Variants in SULT1C2 observed in about 807,000 individuals in gnomAD.
The protein encoded by SULT1C2 is sulfotransferase 1C2.
A neutral mutation model predicts 36.0 loss-of-function variants in SULT1C2; 27 were observed. The ratio of observed to expected loss-of-function variants is 0.75; its 90% CI spans 0.55 to 1.03. The LOEUF is 1.03. Among genes scored for constraint, SULT1C2 ranks in the 50% least tolerant of loss-of-function variants. The pLI, the probability that SULT1C2 is intolerant of heterozygous loss-of-function variation, is 0.00. For synonymous variants in SULT1C2, 121 were observed against 116.0 expected (o/e 1.04, Z -0.27); for missense variants, 395 against 359.2 (o/e 1.10, Z -0.80).
rs1677109609 is a variant in SULT1C2, at chr2:108,309,736, T to C, written c.*1272T>C. ...CCAAACAATGTCAGTGTTAAAATGCTTCTCCCTGAAAAAGAGAAAAAAAAA... is the reference window on the plus strand; with the variant it reads ...CCAAACAATGTCAGTGTTAAAATGCCTCTCCCTGAAAAAGAGAAAAAAAAA... On this transcript the variant is annotated 3_prime_UTR_variant, in exon 8 of 8. Coordinates refer to ENST00000251481, the MANE Select transcript of SULT1C2 (RefSeq NM_001056.4). 1 of 151,040 alleles carries C rather than the reference T, an allele frequency of 6.6e-6. No individual in the cohort carries two copies. Among genetic ancestry groups the C allele is most frequent in the African/African-American group, 2.4e-5 (1 of 40,852 alleles). The allele number at this position is 151,040 out of a possible 1,614,324, so 9.4% of individuals were successfully genotyped here. A position where few individuals can be genotyped will look rare whatever the true frequency, so the allele number is the denominator to read the frequency against.
intron 7 of SULT1C2, among the ~76,000 whole-genome samples, chr2:108,305,918 C>T (rs1190532644): frequency 2.0e-5 from 3 of 152,164 alleles, no homozygotes; most frequent in African/African-American, 7.2e-5. Flanking sequence ...TCCAGACCTC[C>T]CAGGGGCCGC....
chr2:108,293,673 C>T lies in SULT1C2; in HGVS notation c.6C>T (p.Ala2=). Residue 2 remains alanine (A), a synonymous_variant, in exon 2 of 8, where the codon GCC becomes GCT. Transcript: ENST00000251481. M[A]LTSDLGKQIK... Reference sequence around the variant, plus strand: ...GACCCCAACCCTGAGACACTATGGCCCTGACCTCAGACCTGGGGAAACAGA... The same window carrying T: ...GACCCCAACCCTGAGACACTATGGCTCTGACCTCAGACCTGGGGAAACAGA... 1 of 1,613,394 alleles carries T rather than the reference C, an allele frequency of 6.2e-7. No homozygotes were observed. Among genetic ancestry groups the T allele is most frequent in the Non-Finnish European group, 8.5e-7 (1 of 1,179,718 alleles).
chr2:108,295,707 A>C (rs2104414798), intron 3 of SULT1C2, among the ~76,000 whole-genome samples: 1 of 152,384 alleles, frequency 6.6e-6, no homozygotes, highest in Middle Eastern at 3.4e-3. Context: ...CCTGACACTC[A>C]GAGGATACTA....
Position 108,304,683 on chromosome 2 carries a change from C to A in SULT1C2, c.485C>A (p.Thr162Asn), listed in dbSNP as rs768393643. 5 of 1,612,844 alleles carry A rather than the reference C, an allele frequency of 3.1e-6. No homozygotes were observed. The highest frequency in any genetic ancestry group is 4.2e-6 in the Non-Finnish European group (5 of 1,179,602). The change falls in exon 5 of 8, where the codon ACC becomes AAC. Residue 162 changes from threonine to asparagine, a missense_variant. Transcript: ENST00000251481. ...DPGTWEEYFETFINGKVVWGS... is the reference protein window; with the variant it reads ...DPGTWEEYFENFINGKVVWGS... ...GGTACCTGGGAAGAGTATTTTGAAA[C>A]CTTCATCAATGGAAAAGGTACGGGA...
intron 3 of SULT1C2, among the ~76,000 whole-genome samples, chr2:108,296,220 T>C (rs1558677966): frequency 6.6e-6 from 1 of 152,154 alleles, no homozygotes; most frequent in Non-Finnish European, 1.5e-5. Flanking sequence ...TTCTTAGCAG[T>C]AGAGAGCAGA....
rs1461878943 is a variant in SULT1C2 at position 108,293,709 on chromosome 2, A to C, written c.42A>C (p.Lys14Asn). 2 of 1,614,112 alleles carry C rather than the reference A, an allele frequency of 1.2e-6. No individual in the cohort carries two copies. Among genetic ancestry groups the C allele is most frequent in the Non-Finnish European group, 1.7e-6 (2 of 1,180,008 alleles). Residue 14 changes from lysine (K) to asparagine (N), a missense_variant, in exon 2 of 8, where the codon AAA becomes AAC. Physicochemically the swap from Lys to Asn is moderately conservative, Grantham distance 94 (BLOSUM62 0). Coordinates refer to ENST00000251481, the MANE Select transcript of SULT1C2 (RefSeq NM_001056.4). ...ACCTGGGGAAACAGATAAAACTGAA[A>C]GAGGTGGAGGGGACCCTCCTGCAGC... is the stretch of plus-strand genomic sequence containing the variant. ...TSDLGKQIKLKEVEGTLLQPA... is the reference protein window; with the variant it reads ...TSDLGKQIKLNEVEGTLLQPA...
chr2:108,289,471 A>C (rs1676538726), intron 1 of SULT1C2, among the ~76,000 whole-genome samples: 1 of 152,198 alleles, frequency 6.6e-6, no homozygotes, highest in Admixed American at 6.5e-5. Flanking sequence ...ACTGAACCAG[A>C]TCCTGTGCTC....
intron 4 of SULT1C2, 84 bp downstream of exon 4, chr2:108,301,019 T>C: frequency 6.5e-7 from 1 of 1,546,826 alleles, no homozygotes; most frequent in Non-Finnish European, 8.8e-7. Context: ...AGAGCATTCG[T>C]GATCACCTTT....
intron 7 of SULT1C2, among the ~76,000 whole-genome samples, chr2:108,307,084 C>A (rs1336222780): frequency 6.6e-6 from 1 of 152,134 alleles, no homozygotes; most frequent in Non-Finnish European, 1.5e-5. Flanking sequence ...TTTGAAACAT[C>A]TTTTCTTCTT....
In SULT1C2 at chr2:108,300,381, A is replaced by G. The variant is rs115477806; in HGVS notation, c.278-457A>G. 594 of 163,100 alleles carry G rather than the reference A, an allele frequency of 3.6e-3. 3 individuals carry two copies. Among genetic ancestry groups the G allele is most frequent in the African/African-American group, 0.013 (567 of 42,090 alleles). 10.1% of individuals were successfully genotyped at this position (163,100 alleles called of 1,614,324 possible). ...GATGGACCAAGACTCCGTCTCAAAAAAAAAATGAGACAGTAGAAATCATGA... is the reference window on the plus strand; with the variant it reads ...GATGGACCAAGACTCCGTCTCAAAAGAAAAATGAGACAGTAGAAATCATGA... On this transcript the variant is annotated intron_variant, in intron 3 of 7. Coordinates refer to ENST00000251481, the MANE Select transcript of SULT1C2 (RefSeq NM_001056.4).
At chr2:108,295,448 T>C (rs36055322) in intron 3 of SULT1C2, among the ~76,000 whole-genome samples, 76,607 of 152,080 alleles carry the variant, frequency 0.5, 20,041 homozygotes, top group Non-Finnish European at 0.56. Flanking sequence ...GTTTTGTGTG[T>C]GTCTGGTCTT....
At chr2:108,292,911 G>A (rs1180470054) in intron 1 of SULT1C2, among the ~76,000 whole-genome samples, 2 of 152,162 alleles carry the variant, frequency 1.3e-5, no homozygotes, top group Non-Finnish European at 2.9e-5. Context: ...GGGCACGGTG[G>A]CTCACGCCTG....
At chr2:108,296,060 G>C (rs942379174) in intron 3 of SULT1C2, among the ~76,000 whole-genome samples, 1 of 151,952 alleles carries the variant, frequency 6.6e-6, no homozygotes, top group Non-Finnish European at 1.5e-5. Context: ...AAGCCACTGG[G>C]ATCACAAACA....
intron 7 of SULT1C2, 76 bp downstream of exon 7, chr2:108,305,671 T>A (rs1677006704): frequency 6.4e-7 from 1 of 1,554,566 alleles, no homozygotes; most frequent in Non-Finnish European, 8.9e-7. Flanking sequence ...CAATATTGAG[T>A]TTTATTAATT....
At chr2:108,290,756 G>A (rs74397355) in intron 1 of SULT1C2, among the ~76,000 whole-genome samples, 254 of 152,288 alleles carry the variant, frequency 1.7e-3, no homozygotes, top group Admixed American at 3.2e-3. Flanking sequence ...ACAAGACCCC[G>A]TGTCCTAGCA....
At chr2:108,292,009 G>T (rs948139438) in intron 1 of SULT1C2, among the ~76,000 whole-genome samples, 1 of 152,278 alleles carries the variant, frequency 6.6e-6, no homozygotes. Flanking sequence ...TCTGGAAGCA[G>T]AAGCCACCAT....
At chr2:108,298,637 C>T (rs935507831) in intron 3 of SULT1C2, 12 of 378,170 alleles carry the variant, frequency 3.2e-5, no homozygotes, top group Non-Finnish European at 6.1e-5. Context: ...CTGCCTCAAC[C>T]TCCCAAAGTG....
chr2:108,296,858 A>G (rs1676743086), intron 3 of SULT1C2, among the ~76,000 whole-genome samples: 1 of 152,182 alleles, frequency 6.6e-6, no homozygotes, highest in South Asian at 2.1e-4. Flanking sequence ...AAAGGTCTCA[A>G]CCACCCTTGG....
intron 4 of SULT1C2, chr2:108,301,211 G>A: frequency 2.6e-6 from 1 of 377,782 alleles, no homozygotes; most frequent in South Asian, 6.1e-5. Flanking sequence ...AAATGAAGGG[G>A]AGAAGATGGT....
Sources: gnomAD v4.1 joint callset for allele counts (sites outside exome capture counted in the v4.1 genomes callset) on GRCh38, gnomAD v4.1.1 for gene constraint, MANE v1.5 for transcripts, NCBI Gene and HGNC (gene_info 2026-07-23, HGNC 2026-07-21) for gene names.